MORC3: variants seen among roughly 807,000 people sequenced by gnomAD.
MORC3 encodes the protein MORC family CW-type zinc finger protein 3.
Under a neutral mutation model 109.1 loss-of-function variants are expected in MORC3, and 31 were observed. The ratio of observed to expected loss-of-function variants is 0.28; its 90% CI spans 0.21 to 0.38. The LOEUF (loss-of-function observed/expected upper bound fraction) is 0.38. Ranked by LOEUF, MORC3 falls within the 10% of genes least tolerant of loss-of-function variation. The probability of loss-of-function intolerance (pLI) is 1.00; values close to 1 mark genes in which losing one functional copy is unlikely to be tolerated. For missense variants in MORC3, 867 were observed against 1,135.8 expected (o/e 0.76, Z 3.40); for synonymous variants, 395 against 380.7 (o/e 1.04, Z -0.44).
intron 6 of MORC3, among the ~76,000 whole-genome samples, chr21:36,343,985 C>A (rs2085480825): frequency 1.3e-5 from 2 of 152,052 alleles, no homozygotes; most frequent in Admixed American, 1.3e-4. Flanking sequence ...AAGTATGAAA[C>A]AGGTTCAGAG....
chr21:36,370,590 C>A (rs1277010343), intron 15 of MORC3, among the ~76,000 whole-genome samples: 2 of 122,656 alleles, frequency 1.6e-5, no homozygotes, highest in Non-Finnish European at 3.3e-5. Context: ...CTTTTAAAAT[C>A]TTTGATTAAT....
chr21:36,359,362 C>G (rs886975959), intron 10 of MORC3, among the ~76,000 whole-genome samples: 7 of 152,114 alleles, frequency 4.6e-5, no homozygotes, highest in African/African-American at 1.7e-4. Flanking sequence ...CCTCATACTC[C>G]TGTGCTCAAG....
In MORC3 at chr21:36,338,901, C is replaced by A; in HGVS notation, c.588C>A (p.Ile196=). ...TTATAGGCAAGAAGGGGACGAGGAT[C>A]ATCATTTGGAATCTTAGAAGGTAAA... ...DAIIGKKGTR[I]IIWNLRSYKN... is the part of the protein sequence containing the mutation. Residue 196 remains isoleucine (I), a synonymous_variant, in exon 5 of 17, where the codon ATC becomes ATA. Transcript: ENST00000400485. 1 of 1,613,900 alleles carries A rather than the reference C, an allele frequency of 6.2e-7. No individual in the cohort carries two copies. Among genetic ancestry groups the A allele is most frequent in the South Asian group, 1.1e-5 (1 of 91,062 alleles).
intron 1 of MORC3, among the ~76,000 whole-genome samples, chr21:36,331,960 T>C (rs1301079085): frequency 6.7e-6 from 1 of 149,960 alleles, no homozygotes; most frequent in African/African-American, 2.5e-5. Context: ...GGCAACACAG[T>C]GAGACTCCTG....
chr21:36,327,156 T>G (rs13050473), intron 1 of MORC3, among the ~76,000 whole-genome samples: 1 of 19,910 alleles, frequency 5.0e-5, no homozygotes, highest in Non-Finnish European at 8.5e-5. Flanking sequence ...GCTTTATTTC[T>G]TTTTTTTTTT....
intron 9 of MORC3, among the ~76,000 whole-genome samples, chr21:36,354,254 GTT>G (rs909107060): frequency 8.0e-5 from 12 of 150,674 alleles, no homozygotes; most frequent in African/African-American, 2.9e-4. Flanking sequence ...GGCACACTCA[GTT>G]TAATTTTTAT....
At chr21:36,354,855 T>C (rs2085627050) in intron 9 of MORC3, among the ~76,000 whole-genome samples, 2 of 152,246 alleles carry the variant, frequency 1.3e-5, no homozygotes, top group Admixed American at 6.5e-5. Flanking sequence ...TTCAGTTGAT[T>C]TCCTCAGGTG....
chr21:36,369,193 C>G lies in MORC3; in HGVS notation c.1825C>G (p.Gln609Glu). 1.9e-6 allele frequency: 3 copies of G among 1,614,104 alleles called. No homozygotes were observed. The highest frequency in any genetic ancestry group is 2.5e-6 in the Non-Finnish European group (3 of 1,180,026). ...GAGTCACGTTGAGCAAGGTGGTGTT[C>G]AGGTTGAGTTTGTGGGTGACAGTGA... is the stretch of plus-strand genomic sequence containing the variant. ...EQSHVEQGGV[Q>E]VEFVGDSEPC... Residue 609 changes from glutamine to glutamate, a missense_variant, in exon 15 of 17, where the codon CAG becomes GAG. This residue lies in a region of MORC3 where 486 missense variants were observed against 502.1 expected (regional missense o/e 0.97). Coordinates refer to ENST00000400485, the MANE Select transcript of MORC3 (RefSeq NM_015358.3).
chr21:36,359,322 G>A (rs189889148), intron 10 of MORC3, among the ~76,000 whole-genome samples: 109 of 152,242 alleles, frequency 7.2e-4, no homozygotes, highest in African/African-American at 2.4e-3. Context: ...ATTTTTGAGA[G>A]ATGGGGTCTC....
chr21:36,335,055 G>C (rs1401533142), intron 2 of MORC3, among the ~76,000 whole-genome samples: 1 of 152,134 alleles, frequency 6.6e-6, no homozygotes, highest in African/African-American at 2.4e-5. Context: ...ACTCGAGCCA[G>C]GGAAGTCAAG....
chr21:36,369,714 G>T lies in MORC3; in HGVS notation c.2346G>T (p.Arg782Ser). The change falls in exon 15 of 17, where the codon AGG (arginine) becomes AGT (serine). Residue 782 changes from arginine (R) to serine (S), a missense_variant. Physicochemically the swap from Arg to Ser is moderately radical, Grantham distance 110. Around this residue, in one of 7 missense-constraint regions of MORC3, gnomAD observed 486 missense variants for 502.1 expected, o/e 0.97. Coordinates refer to ENST00000400485, the MANE Select transcript of MORC3 (RefSeq NM_015358.3). ...AGCAAGCTTTGGAAGAAATAGAAAG[G>T]CTGAAAAAACAATGTAGTGCTTTGC... Reference protein sequence around the residue: ...QYQQALEEIERLKKQCSALQH... With the variant: ...QYQQALEEIESLKKQCSALQH... 1 of 1,614,130 alleles carries T rather than the reference G, an allele frequency of 6.2e-7. No homozygotes were observed. Among genetic ancestry groups the T allele is most frequent in the Non-Finnish European group, 8.5e-7 (1 of 1,180,026 alleles).
At chr21:36,359,252 A>G (rs2085683961) in intron 10 of MORC3, among the ~76,000 whole-genome samples, 1 of 152,180 alleles carries the variant, frequency 6.6e-6, no homozygotes. Flanking sequence ...CATAAGTCAC[A>G]TTGTTCAAAT....
At chr21:36,329,813 C>G (rs1191453064) in intron 1 of MORC3, among the ~76,000 whole-genome samples, 5 of 152,058 alleles carry the variant, frequency 3.3e-5, no homozygotes, top group Non-Finnish European at 5.9e-5. Flanking sequence ...AAAAAATGTA[C>G]ATTGTGTAGA....
Position 36,375,469 on chromosome 21 carries a change from G to A in MORC3, c.*173G>A. ...AAATATTGTGGACACATTATCTTATGTTTTGAAATACCTGTGAATTGTTGG... is the reference window on the plus strand; with the variant it reads ...AAATATTGTGGACACATTATCTTATATTTTGAAATACCTGTGAATTGTTGG... On this transcript the variant is annotated 3_prime_UTR_variant, in exon 17 of 17. Transcript: ENST00000400485. 1 of 551,890 alleles carries A rather than the reference G, an allele frequency of 1.8e-6. No homozygotes were observed. The highest frequency in any genetic ancestry group is 3.0e-6 in the Non-Finnish European group (1 of 328,020). 34.2% of individuals were successfully genotyped at this position (551,890 alleles called of 1,614,324 possible). A position where few individuals can be genotyped will look rare whatever the true frequency, so the allele number is the denominator to read the frequency against.
intron 1 of MORC3, chr21:36,333,388 G>T (rs2085336961): frequency 4.3e-6 from 2 of 461,638 alleles, no homozygotes; most frequent in African/African-American, 4.0e-5. Context: ...TTTGGGATTG[G>T]ACAGTTATGA....
intron 8 of MORC3, among the ~76,000 whole-genome samples, 200 bp downstream of exon 8, chr21:36,345,231 C>T (rs1410076274): frequency 1.3e-5 from 2 of 151,104 alleles, no homozygotes; most frequent in Admixed American, 1.3e-4. Context: ...CCTCCCCTGC[C>T]CTGCCCTCTC....
At position 36,343,870 on chromosome 21, in the gene MORC3, T is replaced by C. The variant is rs76950246; in HGVS notation, c.757-709T>C. Reference sequence around the variant, plus strand: ...TTAGCAATTACATTATTAGTAATAGTAATAGTAAATAGTAGTATTACTATT... The same window carrying C: ...TTAGCAATTACATTATTAGTAATAGCAATAGTAAATAGTAGTATTACTATT... On this transcript the variant is annotated intron_variant, in intron 6 of 16. Transcript: ENST00000400485. Among the ~76,000 whole-genome samples, 944 of 152,198 alleles carry C rather than the reference T, an allele frequency of 6.2e-3. 10 individuals are homozygous for C. Among genetic ancestry groups the C allele is most frequent in the African/African-American group, 0.022 (908 of 41,516 alleles).
intron 14 of MORC3, among the ~76,000 whole-genome samples, chr21:36,368,080 A>G (rs1236370809): frequency 6.6e-6 from 1 of 152,198 alleles, no homozygotes; most frequent in Non-Finnish European, 1.5e-5. Context: ...ACAAGGCCCA[A>G]ATAGCAAACC....
intron 16 of MORC3, among the ~76,000 whole-genome samples, chr21:36,372,917 G>A (rs932281781): frequency 2.0e-5 from 3 of 152,124 alleles, no homozygotes; most frequent in Admixed American, 2.0e-4. Context: ...TTTTATTGTC[G>A]TACTTGGTAC....
Sources: allele counts gnomAD v4.1 joint callset (sites outside exome capture counted in the v4.1 genomes callset), GRCh38; gene constraint gnomAD v4.1.1; regional missense constraint gnomAD v4.1.1; transcripts MANE v1.5; gene names NCBI Gene and HGNC (gene_info 2026-07-23, HGNC 2026-07-21).